GRM7: variants seen among roughly 807,000 people sequenced by gnomAD.
GRM7 encodes metabotropic glutamate receptor 7.
Under a neutral mutation model 84.5 loss-of-function variants are expected in GRM7, and 35 were observed. The observed-to-expected ratio is 0.41, with a 90% confidence interval of 0.32 to 0.55. The LOEUF is 0.55. Among genes scored for constraint, GRM7 ranks in the 20% least tolerant of loss-of-function variants. The pLI is 0.19. For synonymous variants in GRM7, 487 were observed against 455.1 expected, an observed-to-expected ratio of 1.07 and a Z score of -0.89; for missense variants, 1,003 against 1,194.6, an observed-to-expected ratio of 0.84 and a Z score of 2.36.
chr3:7,307,017 C>G (rs12491288), intron 4 of GRM7, among the ~76,000 whole-genome samples: 71,510 of 151,550 alleles, frequency 0.47, 18,489 homozygotes, highest in Non-Finnish European at 0.6. Context: ...TGTAACGCAT[C>G]CATTATTTCC....
intron 1 of GRM7, among the ~76,000 whole-genome samples, chr3:7,099,198 G>A (rs1473766832): frequency 6.8e-6 from 1 of 147,210 alleles, no homozygotes; most frequent in Non-Finnish European, 1.5e-5. Context: ...ATATATATAC[G>A]TATTATTATA....
chr3:7,636,837 C>T (rs1207408062), intron 8 of GRM7, among the ~76,000 whole-genome samples: 1 of 152,144 alleles, frequency 6.6e-6, no homozygotes, highest in Non-Finnish European at 1.5e-5. Flanking sequence ...AATGACAAGC[C>T]CCATCTCGTG....
Position 7,135,419 on chromosome 3 carries a change from T to C in GRM7, c.520-11033T>C, listed in dbSNP as rs188577684. 5.9e-5 allele frequency among the ~76,000 whole-genome samples: 9 copies of C among 152,356 alleles called. No individual in the cohort carries two copies. The East Asian group carries it at 1.3e-3, about 23-fold the overall frequency. On this transcript the variant is annotated intron_variant, in intron 1 of 9. Coordinates refer to ENST00000357716, the MANE Select transcript of GRM7 (RefSeq NM_000844.4). ...TTCATTAATATCTCAACAGGTACACTGAAGCATTATCTTAATTGCACATGA... is the reference window on the plus strand; with the variant it reads ...TTCATTAATATCTCAACAGGTACACCGAAGCATTATCTTAATTGCACATGA...
chr3:7,352,057 C>CCCCACACACA (rs1553565352), intron 4 of GRM7, among the ~76,000 whole-genome samples: 1 of 136,894 alleles, frequency 7.3e-6, no homozygotes, highest in Admixed American at 7.4e-5. Context: ...CACACACACA[C>CCCCACACACA]CACACACACA....
At chr3:7,199,845 T>G (rs1020954348) in intron 2 of GRM7, among the ~76,000 whole-genome samples, 1 of 152,224 alleles carries the variant, frequency 6.6e-6, no homozygotes, top group Non-Finnish European at 1.5e-5. Flanking sequence ...CTGGGATTCA[T>G]GTCATATATA....
At chr3:7,068,757 A>G (rs546971750) in intron 1 of GRM7, among the ~76,000 whole-genome samples, 20 of 152,094 alleles carry the variant, frequency 1.3e-4, no homozygotes, top group African/African-American at 4.6e-4. Flanking sequence ...CATATATTTC[A>G]TTCCATAAGG....
At chr3:7,100,586 C>G (rs1233669105) in intron 1 of GRM7, among the ~76,000 whole-genome samples, 1 of 151,720 alleles carries the variant, frequency 6.6e-6, no homozygotes, top group Non-Finnish European at 1.5e-5. Flanking sequence ...TTTTTATGAG[C>G]TTTAAAATTT....
intron 7 of GRM7, among the ~76,000 whole-genome samples, chr3:7,476,043 G>T (rs1698908670): frequency 6.6e-6 from 1 of 152,182 alleles, no homozygotes; most frequent in Non-Finnish European, 1.5e-5. Context: ...CACACGTGTA[G>T]ACTGACACTT....
At chr3:7,474,760 A>G (rs1159200752) in intron 7 of GRM7, among the ~76,000 whole-genome samples, 1 of 151,966 alleles carries the variant, frequency 6.6e-6, no homozygotes, top group East Asian at 1.9e-4. Flanking sequence ...CGTTTACAGT[A>G]TTCTAGGGAC....
intron 2 of GRM7, 160 bp from the exon 3 acceptor site, chr3:7,298,524 C>CAG (rs1442605979): frequency 9.9e-6 from 6 of 606,614 alleles, no homozygotes; most frequent in Non-Finnish European, 1.7e-5. Context: ...AACAACATCT[C>CAG]AGGACTCAGC....
At chr3:6,907,736 A>G (rs1334379612) in intron 1 of GRM7, among the ~76,000 whole-genome samples, 1 of 152,194 alleles carries the variant, frequency 6.6e-6, no homozygotes, top group Non-Finnish European at 1.5e-5. Context: ...TTTCTGAGAG[A>G]TAAGTTCTTT....
intron 9 of GRM7, among the ~76,000 whole-genome samples, chr3:7,692,222 T>C (rs1700832909): frequency 6.6e-6 from 1 of 152,180 alleles, no homozygotes; most frequent in African/African-American, 2.4e-5. Context: ...GATAGGCTCA[T>C]ACCACCTGAT....
At chr3:7,366,199 T>C (rs1693886213) in intron 4 of GRM7, among the ~76,000 whole-genome samples, 1 of 151,886 alleles carries the variant, frequency 6.6e-6, no homozygotes, top group Admixed American at 6.6e-5. Flanking sequence ...AACCCTCATG[T>C]GTAATAGCCT....
At chr3:7,365,659 A>ATATGTG (rs1386547425) in intron 4 of GRM7, among the ~76,000 whole-genome samples, 3 of 145,496 alleles carry the variant, frequency 2.1e-5, no homozygotes, top group African/African-American at 7.5e-5. Context: ...ATATATATAT[A>ATATGTG]TATATACACA....
At chr3:7,508,499 A>T (rs1436098942) in intron 7 of GRM7, among the ~76,000 whole-genome samples, 2 of 152,172 alleles carry the variant, frequency 1.3e-5, no homozygotes, top group African/African-American at 4.8e-5. Context: ...ATATGTCACA[A>T]TAAAAAAGAG....
intron 1 of GRM7, among the ~76,000 whole-genome samples, chr3:6,942,597 T>C (rs77911348): frequency 0.021 from 3,166 of 152,222 alleles, 125 homozygotes; most frequent in African/African-American, 0.073. Context: ...TATTCCATTG[T>C]ATAGTTCACA....
chr3:7,708,074 AT>A, intron 9 of GRM7, among the ~76,000 whole-genome samples: 1 of 151,402 alleles, frequency 6.6e-6, no homozygotes, highest in Non-Finnish European at 1.5e-5. Flanking sequence ...TCCTATAATT[AT>A]AGGATTTTAC....
chr3:7,276,805 T>TCCCTTCCTCCCTCCCTCCTCCCTTCC (rs1699086677), intron 2 of GRM7, among the ~76,000 whole-genome samples: 3 of 1,340 alleles, frequency 2.2e-3, no homozygotes, highest in African/African-American at 2.6e-3. Context: ...CTTCCTTCCT[T>TCCCTTCCTCCCTCCCTCCTCCCTTCC]TTTGGTGGTG....
intron 8 of GRM7, among the ~76,000 whole-genome samples, chr3:7,646,808 CT>C (rs1306346863): frequency 6.6e-6 from 1 of 152,186 alleles, no homozygotes; most frequent in Non-Finnish European, 1.5e-5. Context: ...CCAAAAAACC[CT>C]TTCCTAGTCT....
Sources: allele counts gnomAD v4.1 joint callset (sites outside exome capture counted in the v4.1 genomes callset), GRCh38; gene constraint gnomAD v4.1.1; transcripts MANE v1.5; gene names NCBI Gene and HGNC (gene_info 2026-07-23, HGNC 2026-07-21).